The following ITPR1 variants were observed in gnomAD, a reference collection of about 807,000 sequenced individuals.
ITPR1 encodes inositol 1,4,5-trisphosphate receptor type 1.
A neutral mutation model predicts 318.4 loss-of-function variants in ITPR1; 96 were observed. The ratio of observed to expected loss-of-function variants is 0.30; its 90% CI spans 0.26 to 0.36. ITPR1 has a LOEUF of 0.36. Among genes scored for constraint, ITPR1 ranks in the 10% least tolerant of loss-of-function variants. The pLI, the probability that ITPR1 is intolerant of heterozygous loss-of-function variation, is 1.00. For synonymous variants in ITPR1, 1,312 were observed against 1,289.9 expected, an observed-to-expected ratio of 1.02 and a Z score of -0.37; for missense variants, 2,440 against 3,460.2, an observed-to-expected ratio of 0.71 and a Z score of 7.40.
chr3:4,602,190 A>C (rs1248481598), intron 4 of ITPR1, among the ~76,000 whole-genome samples: 1 of 152,240 alleles, frequency 6.6e-6, no homozygotes, highest in Non-Finnish European at 1.5e-5. Flanking sequence ...CCTTAGGGAT[A>C]TACCCAAATG....
At chr3:4,674,982 C>A in intron 22 of ITPR1, 86 bp from the exon 23 acceptor site, 1 of 699,442 alleles carries the variant, frequency 1.4e-6, no homozygotes, top group South Asian at 2.0e-5. Flanking sequence ...CCAAGTCTGT[C>A]ATTTCTAAAC....
Position 4,598,202 on chromosome 3 carries a change from C to G in ITPR1, c.164-29561C>G, listed in dbSNP as rs537488537. Among the ~76,000 whole-genome samples, 9 of 152,354 alleles carry G rather than the reference C, an allele frequency of 5.9e-5. No individual in the cohort carries two copies. The East Asian group carries it at 1.7e-3, about 29-fold the overall frequency. ...AAGGAAGCAAATCCTCCTCTGTGAC[C>G]TGTCATTGGCTTCTGTGCATGTCAT... On this transcript the variant is annotated intron_variant, in intron 4 of 61. Transcript: ENST00000649015.
intron 10 of ITPR1, among the ~76,000 whole-genome samples, chr3:4,646,893 A>G (rs1369820543): frequency 6.6e-6 from 1 of 152,008 alleles, no homozygotes; most frequent in East Asian, 1.9e-4. Context: ...CCTCCTCCCT[A>G]GCTTCAATTG....
rs140996110 is a variant in ITPR1 at position 4,689,631 on chromosome 3, A to G, written c.3828+1011A>G. Reference sequence around the variant, plus strand: ...TGTGTTCCCTCAGTGTCATGTTAAGAGAAAGAAAAGTCAAAAGATAAAAAG... The same window carrying G: ...TGTGTTCCCTCAGTGTCATGTTAAGGGAAAGAAAAGTCAAAAGATAAAAAG... On this transcript the variant is annotated intron_variant, in intron 31 of 61. Coordinates refer to ENST00000649015, the MANE Select transcript of ITPR1 (RefSeq NM_001378452.1). Among the ~76,000 whole-genome samples, 369 of 152,372 alleles carry G rather than the reference A, an allele frequency of 2.4e-3. 1 individual carries two copies. Among genetic ancestry groups the G allele is most frequent in the Middle Eastern group, 0.01 (3 of 294 alleles).
At chr3:4,798,761 AAG>A (rs1223183237) in intron 53 of ITPR1, among the ~76,000 whole-genome samples, 1 of 152,262 alleles carries the variant, frequency 6.6e-6, no homozygotes, top group East Asian at 1.9e-4. Context: ...AAAAAGTACA[AAG>A]TATCAATACA....
chr3:4,845,092 A>G (rs943136011), intron 61 of ITPR1, among the ~76,000 whole-genome samples: 5 of 152,228 alleles, frequency 3.3e-5, no homozygotes, highest in Admixed American at 1.3e-4. Context: ...TCCTGATTGT[A>G]TGGATGAGAA....
chr3:4,518,756 T>C (rs73807276), intron 3 of ITPR1, among the ~76,000 whole-genome samples: 32,795 of 152,118 alleles, frequency 0.22, 4,010 homozygotes, highest in Admixed American at 0.31. Flanking sequence ...TGCTTCTGAA[T>C]TGCCTTTTTA....
chr3:4,653,938 T>C (rs371399868), intron 12 of ITPR1, 52 bp downstream of exon 12: 92 of 1,292,544 alleles, frequency 7.1e-5, no homozygotes, highest in Non-Finnish European at 1.0e-4. Context: ...TGCGGCCAAA[T>C]GATCTGGAGC....
At chr3:4,800,223 CAGA>C (rs2125422868) in intron 53 of ITPR1, 199 bp from the exon 54 acceptor site, 2 of 534,740 alleles carry the variant, frequency 3.7e-6, no homozygotes, top group Non-Finnish European at 6.5e-6. Context: ...AACTTCCCAG[CAGA>C]AGGAGCATGT....
intron 2 of ITPR1, among the ~76,000 whole-genome samples, chr3:4,502,447 T>G (rs1007726933): frequency 2.0e-4 from 28 of 140,038 alleles, no homozygotes; most frequent in Non-Finnish European, 3.7e-4. Context: ...CCCTCTCTCC[T>G]TTTTTTTTTT....
intron 40 of ITPR1, 93 bp from the exon 41 acceptor site, chr3:4,725,453 G>A: frequency 9.7e-7 from 1 of 1,034,070 alleles, no homozygotes; most frequent in South Asian, 1.3e-5. Flanking sequence ...CCTTCCTCCT[G>A]TGTTTTGTCC....
At chr3:4,750,269 C>T (rs2044404408) in intron 44 of ITPR1, 2 of 151,618 alleles carry the variant, frequency 1.3e-5, no homozygotes, top group Admixed American at 1.3e-4. Context: ...CGGAGGAGGA[C>T]TTGACCCTGT....
rs1211925721 is a variant in ITPR1 at position 4,684,357 on chromosome 3, C to T, written c.3564+11C>T. The T allele has an allele frequency of 1.9e-6, 3 of 1,591,016 alleles. No homozygotes were observed. Among genetic ancestry groups the T allele is most frequent in the Admixed American group, 3.4e-5 (2 of 59,626 alleles). On this transcript the variant is annotated intron_variant, in intron 29 of 61. Coordinates refer to ENST00000649015, the MANE Select transcript of ITPR1 (RefSeq NM_001378452.1). Reference sequence around the variant, plus strand: ...AGAGTGGTCAAAGAGGTAAGCTCCTCCCCCACCACCATTTTTCCTTTCTTT... The same window carrying T: ...AGAGTGGTCAAAGAGGTAAGCTCCTTCCCCACCACCATTTTTCCTTTCTTT...
rs1014187815 is a variant in ITPR1, at chr3:4,734,688, A to C, written c.5354-476A>C. On this transcript the variant is annotated intron_variant, in intron 43 of 61. Coordinates refer to ENST00000649015, the MANE Select transcript of ITPR1 (RefSeq NM_001378452.1). The stretch of plus-strand genomic sequence containing the variant: ...GCAGTGAGCAAACATTTGTTGAATG[A>C]ATAAACAGATAAATTATGTAAAAGA... Among the ~76,000 whole-genome samples, 3 of 152,242 alleles carry C rather than the reference A, an allele frequency of 2.0e-5. No individual in the cohort carries two copies. The East Asian group carries it at 5.8e-4, about 29-fold the overall frequency.
At chr3:4,836,726 T>TGA in intron 60 of ITPR1, 48 bp from the exon 61 acceptor site, 1 of 1,308,740 alleles carries the variant, frequency 7.6e-7, no homozygotes, top group Admixed American at 3.2e-5. Context: ...CCTCTAGAAG[T>TGA]GACTCAGTCT....
chr3:4,711,328 C>G (rs545730435), intron 38 of ITPR1, among the ~76,000 whole-genome samples: 10 of 151,750 alleles, frequency 6.6e-5, no homozygotes, highest in African/African-American at 2.4e-4. Flanking sequence ...TAAGGACAAG[C>G]TTGTGCATAA....
At chr3:4,773,231 GTCAT>G (rs1458796760) in intron 46 of ITPR1, among the ~76,000 whole-genome samples, 2 of 152,246 alleles carry the variant, frequency 1.3e-5, no homozygotes, top group Non-Finnish European at 2.9e-5. Context: ...AGGAAGAGGA[GTCAT>G]TCAGGGTGGA....
intron 23 of ITPR1, among the ~76,000 whole-genome samples, chr3:4,676,065 G>A (rs1421348403): frequency 1.3e-5 from 2 of 151,962 alleles, no homozygotes; most frequent in African/African-American, 2.4e-5. Flanking sequence ...ATTTGGGCAG[G>A]GCATAGTGAT....
At chr3:4,837,663 T>C (rs973009170) in intron 61 of ITPR1, among the ~76,000 whole-genome samples, 1 of 151,996 alleles carries the variant, frequency 6.6e-6, no homozygotes. Flanking sequence ...TAAAGTAAGT[T>C]GTAGGGGACA....
Sources: allele counts gnomAD v4.1 joint callset (sites outside exome capture counted in the v4.1 genomes callset), GRCh38; gene constraint gnomAD v4.1.1; transcripts MANE v1.5; gene names NCBI Gene and HGNC (gene_info 2026-07-23, HGNC 2026-07-21).